The following PLXNA1 variants were observed in gnomAD, a reference collection of about 807,000 sequenced individuals.
PLXNA1 encodes the protein plexin A1.
A neutral mutation model predicts 191.7 loss-of-function variants in PLXNA1; 77 were observed. The ratio of observed to expected loss-of-function variants is 0.40; its 90% CI spans 0.33 to 0.49. The LOEUF (loss-of-function observed/expected upper bound fraction) is 0.49. Ranked by LOEUF, PLXNA1 falls within the 20% of genes least tolerant of loss-of-function variation. The pLI is 0.63. For missense variants in PLXNA1, 2,110 were observed against 2,660.2 expected (o/e 0.79, Z 4.55); for synonymous variants, 1,137 against 1,156.4 (o/e 0.98, Z 0.34).
rs1296992514 is a variant in PLXNA1 at position 127,012,155 on chromosome 3, C to G, written c.2310C>G (p.Ser770=). The G allele has an allele frequency of 6.2e-7, 1 of 1,611,040 alleles. No homozygotes were observed. The highest frequency in any genetic ancestry group is 8.5e-7 in the Non-Finnish European group (1 of 1,179,116). The change falls in exon 10 of 32, where the codon TCC becomes TCG. Residue 770 remains serine (S), a synonymous_variant. Coordinates refer to ENST00000393409, the MANE Select transcript of PLXNA1 (RefSeq NM_032242.4). ...GCTCCAGCCTGCAGTGCCAGAATTCCTCGGTGAGGTGGCCAGGGCAGGGGC... is the reference window on the plus strand; with the variant it reads ...GCTCCAGCCTGCAGTGCCAGAATTCGTCGGTGAGGTGGCCAGGGCAGGGGC... The part of the protein sequence containing the change: ...FNSSSLQCQN[S]SYSYEGNDVS...
Position 126,989,798 on chromosome 3 carries a change from C to T in PLXNA1, c.1194+11C>T, listed in dbSNP as rs2093709603. Reference sequence around the variant, plus strand: ...GGCTGCATCAACTCGGTGAGTTGGGCAGGGGCGCCCCTCCTCCCGCGGCCC... The same window carrying T: ...GGCTGCATCAACTCGGTGAGTTGGGTAGGGGCGCCCCTCCTCCCGCGGCCC... On this transcript the variant is annotated intron_variant, in intron 2 of 31. Transcript: ENST00000393409. The T allele has an allele frequency of 6.3e-7, 1 of 1,587,824 alleles. No individual in the cohort carries two copies. Among genetic ancestry groups the T allele is most frequent in the African/African-American group, 1.3e-5 (1 of 74,632 alleles).
At chr3:126,989,889 G>C (rs1201415172) in intron 2 of PLXNA1, 102 bp downstream of exon 2, 2 of 1,085,412 alleles carry the variant, frequency 1.8e-6, no homozygotes, top group Admixed American at 4.7e-5. Flanking sequence ...TGTGTGCCTG[G>C]CCTGGCTTTT....
intron 3 of PLXNA1, 64 bp downstream of exon 3, chr3:126,991,630 C>T (rs1265298854): frequency 6.8e-7 from 1 of 1,464,538 alleles, no homozygotes; most frequent in East Asian, 2.4e-5. Context: ...TTGCGGCCGT[C>T]CCAGGTGGCA....
chr3:127,006,801 T>C lies in PLXNA1; in HGVS notation c.1997+623T>C, dbSNP rs190845482. ...CTATGCCTGCTGCCCATTTTGGCTG[T>C]GAGCACCCCCAGCCTCAGAGGAAGG... On this transcript the variant is annotated intron_variant, in intron 8 of 31. Transcript: ENST00000393409. Among the ~76,000 whole-genome samples, 24 of 152,182 alleles carry C rather than the reference T, an allele frequency of 1.6e-4. No homozygotes were observed. In the East Asian group the frequency reaches 4.7e-3, roughly 30 times the overall value.
intron 2 of PLXNA1, among the ~76,000 whole-genome samples, chr3:126,990,605 A>G (rs1039925311): frequency 1.3e-5 from 2 of 152,142 alleles, no homozygotes; most frequent in African/African-American, 4.8e-5. Flanking sequence ...TGGCCATCGC[A>G]GGGGAAGGCC....
At chr3:127,013,660 C>T (rs896631898) in intron 10 of PLXNA1, among the ~76,000 whole-genome samples, 19 of 152,258 alleles carry the variant, frequency 1.2e-4, no homozygotes, top group African/African-American at 4.3e-4. Flanking sequence ...CTGAGGTACA[C>T]AGAGCATGCT....
At position 127,017,855 on chromosome 3, in the gene PLXNA1, G is replaced by C; in HGVS notation, c.3623G>C (p.Cys1208Ser). 6.2e-7 allele frequency: 1 copy of C among 1,612,798 alleles called. No individual in the cohort carries two copies. Among genetic ancestry groups the C allele is most frequent in the South Asian group, 1.1e-5 (1 of 91,058 alleles). Residue 1208 changes from cysteine to serine, a missense_variant, in exon 19 of 32, where the codon TGC (cysteine) becomes TCC (serine). Around this residue, in one of 4 missense-constraint regions of PLXNA1, gnomAD observed 644 missense variants for 714.3 expected, o/e 0.90. Coordinates refer to ENST00000393409, the MANE Select transcript of PLXNA1 (RefSeq NM_032242.4). Reference protein sequence around the residue: ...TLTVSETQLLCEAPNLTGQHK... With the variant: ...TLTVSETQLLSEAPNLTGQHK... ...ACCGTGTCGGAGACGCAACTGCTGT[G>C]CGAGGCGCCCAACCTCACTGGGCAG...
rs1232060623 is a variant in PLXNA1 at position 127,003,394 on chromosome 3, A to G, written c.1442A>G (p.Gln481Arg). The G allele has an allele frequency of 1.2e-6, 2 of 1,611,358 alleles. No homozygotes were observed. The highest frequency in any genetic ancestry group is 2.7e-5 in the African/African-American group (2 of 74,618). ...CTGGCCTACGAGAGCGTCGTGGCCC[A>G]GGAGGGCAGCCCCATCCTGCGAGAC... ...PALAYESVVA[Q>R]EGSPILRDLV... Residue 481 changes from glutamine (Q) to arginine (R), a missense_variant, in exon 4 of 32, where the codon CAG (glutamine) becomes CGG (arginine). Coordinates refer to ENST00000393409, the MANE Select transcript of PLXNA1 (RefSeq NM_032242.4).
intron 3 of PLXNA1, among the ~76,000 whole-genome samples, chr3:127,001,177 C>T (rs145943238): frequency 1.3e-5 from 2 of 152,272 alleles, no homozygotes; most frequent in East Asian, 1.9e-4. Flanking sequence ...CCTCACCCAC[C>T]GTTCCTTTCC....
chr3:127,033,892 G>A (rs747623151), intron 31 of PLXNA1, 30 bp from the exon 32 acceptor site: 16 of 1,556,836 alleles, frequency 1.0e-5, no homozygotes, highest in Middle Eastern at 1.7e-4. Context: ...CTGGTGGCCC[G>A]GCATGCTGAC....
At chr3:126,994,570 T>C (rs960427425) in intron 3 of PLXNA1, among the ~76,000 whole-genome samples, 5 of 152,172 alleles carry the variant, frequency 3.3e-5, no homozygotes, top group Non-Finnish European at 4.4e-5. Flanking sequence ...GCCTTGGCTC[T>C]GTTATGTCCT....
chr3:127,032,935 C>G, intron 31 of PLXNA1, 99 bp downstream of exon 31: 1 of 1,328,928 alleles, frequency 7.5e-7, no homozygotes, highest in Admixed American at 2.0e-5. Flanking sequence ...CCCTGAATCT[C>G]TGGGCTGCCA....
intron 3 of PLXNA1, among the ~76,000 whole-genome samples, chr3:126,992,494 C>A (rs1384028290): frequency 1.3e-5 from 2 of 152,100 alleles, no homozygotes; most frequent in African/African-American, 4.8e-5. Flanking sequence ...AGGGGGCCTC[C>A]CATCTCTGCC....
intron 23 of PLXNA1, 22 bp downstream of exon 23, chr3:127,022,840 C>G: frequency 1.2e-6 from 2 of 1,604,376 alleles, no homozygotes; most frequent in Non-Finnish European, 1.7e-6. Flanking sequence ...CGGGAGGAAG[C>G]AGGTGTCAGA....
intron 3 of PLXNA1, among the ~76,000 whole-genome samples, chr3:126,994,802 C>A (rs2079007157): frequency 1.3e-5 from 2 of 152,130 alleles, no homozygotes; most frequent in African/African-American, 4.8e-5. Flanking sequence ...CCTGGGCTGC[C>A]CTGCCTCCTT....
At chr3:126,998,227 T>A (rs950521504) in intron 3 of PLXNA1, among the ~76,000 whole-genome samples, 2 of 152,172 alleles carry the variant, frequency 1.3e-5, no homozygotes, top group African/African-American at 2.4e-5. Context: ...GGTGGGTCAC[T>A]TCACCAGAGA....
intron 13 of PLXNA1, 30 bp downstream of exon 13, chr3:127,014,659 G>C: frequency 6.2e-7 from 1 of 1,611,450 alleles, no homozygotes; most frequent in African/African-American, 1.3e-5. Flanking sequence ...TGTGCGGGGC[G>C]GGACGGGACG....
At chr3:127,000,598 G>A (rs534449246) in intron 3 of PLXNA1, among the ~76,000 whole-genome samples, 9 of 152,288 alleles carry the variant, frequency 5.9e-5, no homozygotes, top group African/African-American at 1.2e-4. Context: ...GTGCAGTTGC[G>A]GGTCCAGGGC....
intron 16 of PLXNA1, 92 bp downstream of exon 16, chr3:127,016,776 C>T (rs1430250809): frequency 2.0e-6 from 3 of 1,475,674 alleles, no homozygotes; most frequent in Non-Finnish European, 2.8e-6. Flanking sequence ...CGGTGGCCCT[C>T]CTGCATGCCG....
Sources: gnomAD v4.1 joint callset for allele counts (sites outside exome capture counted in the v4.1 genomes callset) on GRCh38, gnomAD v4.1.1 for gene constraint, gnomAD v4.1.1 regional missense constraint, MANE v1.5 for transcripts, NCBI Gene and HGNC (gene_info 2026-07-23, HGNC 2026-07-21) for gene names.